The following AXIN1 variants were observed in gnomAD, a reference collection of about 807,000 sequenced individuals.
AXIN1 encodes axin 1.
Under a neutral mutation model 76.4 loss-of-function variants are expected in AXIN1, and 30 were observed. The observed-to-expected ratio is 0.39, with a 90% CI of 0.29 to 0.53. The LOEUF is 0.53. Among genes scored for constraint, AXIN1 ranks in the 20% least tolerant of loss-of-function variants. The pLI is 0.66. For missense variants in AXIN1, 1,140 were observed against 1,198.8 expected (o/e 0.95, Z 0.72); for synonymous variants, 545 against 501.4 (o/e 1.09, Z -1.16).
chr16:325,070 C>T (rs1184930923), intron 2 of AXIN1, among the ~76,000 whole-genome samples: 1 of 152,120 alleles, frequency 6.6e-6, no homozygotes, highest in East Asian at 1.9e-4. Context: ...GCCTCAGCCC[C>T]GCGGGCGCGC....
intron 7 of AXIN1, among the ~76,000 whole-genome samples, chr16:295,325 G>C (rs114678669): frequency 1.3e-5 from 2 of 151,706 alleles, no homozygotes; most frequent in Non-Finnish European, 1.5e-5. Context: ...GGCCAGTCTG[G>C]TCTCGAACTC....
At chr16:342,082 C>T (rs546067802) in intron 2 of AXIN1, among the ~76,000 whole-genome samples, 3 of 152,208 alleles carry the variant, frequency 2.0e-5, no homozygotes, top group Admixed American at 2.0e-4. Flanking sequence ...AGTGGTAACT[C>T]GCTCGGGTCC....
intron 2 of AXIN1, among the ~76,000 whole-genome samples, chr16:328,454 G>C (rs2053625517): frequency 6.6e-6 from 1 of 152,044 alleles, no homozygotes; most frequent in African/African-American, 2.4e-5. Flanking sequence ...CCAATACTTT[G>C]GGAGGCCGCG....
In AXIN1 at chr16:291,231, G is replaced by A. The variant is rs376222818; in HGVS notation, c.2253C>T (p.His751=). 71 of 1,588,422 alleles carry A rather than the reference G, an allele frequency of 4.5e-5. No individual in the cohort carries two copies. Among genetic ancestry groups the A allele is most frequent in the Non-Finnish European group, 5.0e-5 (59 of 1,168,620 alleles). The stretch of plus-strand genomic sequence containing the variant: ...CCATGTCCGACACGGCTGGTACCAC[G>A]TGCAGCACCGGCGCGCACGCTGGCC... ...CVRPACAPVL[H]VVPAVSDMEL... is the part of the protein sequence containing the mutation. The change falls in exon 9 of 11, where the codon CAC becomes CAT. Residue 751 remains histidine (H), a synonymous_variant. Transcript: ENST00000262320.
rs2141706396 is a variant in AXIN1 at position 346,740 on chromosome 16, G to C, written c.286C>G (p.Gln96Glu). Residue 96 changes from glutamine to glutamate, a missense_variant, in exon 2 of 11, where the codon CAA becomes GAA. This residue lies in a region of AXIN1 where 708 missense variants were observed against 776.9 expected (regional missense o/e 0.91). Coordinates refer to ENST00000262320, the MANE Select transcript of AXIN1 (RefSeq NM_003502.4). The stretch of plus-strand genomic sequence containing the variant: ...GTCCTGAACAGGCTTATCCCATCTT[G>C]GTCATCCAGCAGGGAATGCAGTGAC... ...AESLHSLLDD[Q>E]DGISLFRTFL... is the part of the protein sequence containing the mutation. The C allele has an allele frequency of 6.3e-7, 1 of 1,598,476 alleles. No homozygotes were observed. Among genetic ancestry groups the C allele is most frequent in the Non-Finnish European group, 8.5e-7 (1 of 1,170,122 alleles).
chr16:315,285 T>A (rs1482760283), intron 2 of AXIN1, among the ~76,000 whole-genome samples: 1 of 152,212 alleles, frequency 6.6e-6, no homozygotes, highest in African/African-American at 2.4e-5. Flanking sequence ...AATCTGCACT[T>A]CCCTGATTAA....
intron 2 of AXIN1, among the ~76,000 whole-genome samples, chr16:324,202 G>A (rs770208770): frequency 5.3e-5 from 8 of 152,228 alleles, no homozygotes; most frequent in Non-Finnish European, 8.8e-5. Context: ...GGGTCTTTAC[G>A]GGTCTTCCGG....
chr16:299,784 T>C (rs891910880), intron 5 of AXIN1, among the ~76,000 whole-genome samples: 1 of 152,114 alleles, frequency 6.6e-6, no homozygotes, highest in African/African-American at 2.4e-5. Flanking sequence ...GCCTGCCCAG[T>C]AGCTGGGACT....
intron 2 of AXIN1, among the ~76,000 whole-genome samples, chr16:334,192 T>G (rs2053754004): frequency 8.4e-6 from 1 of 119,202 alleles, no homozygotes; most frequent in African/African-American, 3.4e-5. Flanking sequence ...CAGCACCCAG[T>G]ACCATGGCAT....
At chr16:350,237 T>C (rs1483807571) in intron 1 of AXIN1, among the ~76,000 whole-genome samples, 1 of 152,212 alleles carries the variant, frequency 6.6e-6, no homozygotes, top group Non-Finnish European at 1.5e-5. Context: ...ACTGATGTTG[T>C]TGAAACATGT....
chr16:352,529 ACGCGGGGCAGGC>A lies in AXIN1; in HGVS notation c.-254_-243del. ...CTGCGGCTCGGCGGCCCGGAGGCGG[ACGCGGGGCAGGC>A]CGCGGGGGCGCCGCAGGGGCCCAGC... On this transcript the variant is annotated 5_prime_UTR_variant, in exon 1 of 11. Transcript: ENST00000262320. 4.9e-6 allele frequency: 3 copies of A among 616,200 alleles called. No individual in the cohort carries two copies. The highest frequency in any genetic ancestry group is 6.0e-6 in the Non-Finnish European group (3 of 497,088). 38.2% of individuals were successfully genotyped at this position (616,200 alleles called of 1,614,324 possible).
intron 2 of AXIN1, among the ~76,000 whole-genome samples, chr16:341,314 G>A (rs1449238543): frequency 6.6e-6 from 1 of 152,264 alleles, no homozygotes; most frequent in East Asian, 1.9e-4. Flanking sequence ...CAGGCCAGCT[G>A]GAGTCCCGGG....
intron 1 of AXIN1, among the ~76,000 whole-genome samples, chr16:351,760 A>G (rs879725101): frequency 3.9e-5 from 6 of 151,984 alleles, no homozygotes; most frequent in African/African-American, 9.7e-5. Flanking sequence ...ATATATATAT[A>G]TATCTTATAG....
rs773653617 is a variant in AXIN1 at position 288,065 on chromosome 16, G to A, written c.*57C>T. The stretch of plus-strand genomic sequence containing the variant: ...TGAGTACGAGGTCATCTGCCTGGCC[G>A]TGACACCCGTGCCCGCCAAGGGCCT... On this transcript the variant is annotated 3_prime_UTR_variant, in exon 11 of 11. Coordinates refer to ENST00000262320, the MANE Select transcript of AXIN1 (RefSeq NM_003502.4). The A allele has an allele frequency of 5.1e-5, 82 of 1,611,106 alleles. No individual in the cohort carries two copies. Among genetic ancestry groups the A allele is most frequent in the Admixed American group, 6.7e-5 (4 of 59,996 alleles).
intron 1 of AXIN1, among the ~76,000 whole-genome samples, chr16:348,183 G>A (rs1237348727): frequency 6.6e-6 from 1 of 152,150 alleles, no homozygotes; most frequent in Admixed American, 6.6e-5. Context: ...CGTCCTACAG[G>A]AGCCCAGGAG....
intron 8 of AXIN1, chr16:291,588 C>CGAG: frequency 2.0e-6 from 1 of 507,680 alleles, no homozygotes; most frequent in Admixed American, 3.2e-5. Flanking sequence ...GGGATCCCAC[C>CGAG]ACCTCATCCC....
Position 294,460 on chromosome 16 carries a change from C to CAA in AXIN1, c.1956-744_1956-743dup, listed in dbSNP as rs35746106. Among the ~76,000 whole-genome samples, 357 of 47,974 alleles carry CAA rather than the reference C, an allele frequency of 7.4e-3. 10 individuals are homozygous for CAA. Among genetic ancestry groups the CAA allele is most frequent in the Middle Eastern group, 0.059 (2 of 34 alleles). 31.5% of individuals were successfully genotyped at this position (47,974 alleles called of 152,430 possible). ...CCTAGGCAAGAGTGAGACTCCATCT[C>CAA]AAAAAAAAAAAAAAAAAAAAAAAAT... On this transcript the variant is annotated intron_variant, in intron 7 of 10. Coordinates refer to ENST00000262320, the MANE Select transcript of AXIN1 (RefSeq NM_003502.4).
At position 290,110 on chromosome 16, in the gene AXIN1, A is replaced by G. The variant is rs528500357; in HGVS notation, c.2295-503T>C. 2.4e-3 allele frequency: 495 copies of G among 203,222 alleles called. 6 individuals are homozygous for G. The highest frequency in any genetic ancestry group is 0.015 in the Admixed American group (283 of 18,832). 12.6% of individuals were successfully genotyped at this position (203,222 alleles called of 1,614,324 possible). ...GCAGGGCTGGCACCGTCTCCTGCCC[A>G]GGCTGAGCCGGGCCCTCCTCTGACA... On this transcript the variant is annotated intron_variant, in intron 9 of 10. Coordinates refer to ENST00000262320, the MANE Select transcript of AXIN1 (RefSeq NM_003502.4).
At chr16:307,703 T>TC (rs2053064472) in intron 4 of AXIN1, among the ~76,000 whole-genome samples, 1 of 152,124 alleles carries the variant, frequency 6.6e-6, no homozygotes, top group Non-Finnish European at 1.5e-5. Context: ...TCTAAGCTAC[T>TC]CCCCTCCTGC....
Sources: allele counts gnomAD v4.1 joint callset (sites outside exome capture counted in the v4.1 genomes callset), GRCh38; gene constraint gnomAD v4.1.1; regional missense constraint gnomAD v4.1.1; transcripts MANE v1.5; gene names NCBI Gene and HGNC (gene_info 2026-07-23, HGNC 2026-07-21).